Variants in SLC30A8 observed in about 807,000 individuals in gnomAD.
SLC30A8 encodes the protein proton-coupled zinc antiporter SLC30A8.
A neutral mutation model predicts 36.9 loss-of-function variants in SLC30A8; 27 were observed. That is an observed-to-expected ratio of 0.73 (90% confidence interval 0.54 to 1.01). The LOEUF is 1.01. SLC30A8 is among the 50% of genes least tolerant of loss of function. The pLI is 0.00. For synonymous variants in SLC30A8, 164 were observed against 172.4 expected, an observed-to-expected ratio of 0.95 and a Z score of 0.38; for missense variants, 439 against 452.0, an observed-to-expected ratio of 0.97 and a Z score of 0.26.
chr8:116,975,035 G>A (rs923665509), intron 1 of SLC30A8, among the ~76,000 whole-genome samples: 1 of 113,934 alleles, frequency 8.8e-6, no homozygotes, highest in African/African-American at 3.3e-5. Context: ...GGCCTGTTGT[G>A]GGGTGGGGGG....
At chr8:117,140,634 A>G (rs1275702142) in intron 1 of SLC30A8, among the ~76,000 whole-genome samples, 1 of 152,116 alleles carries the variant, frequency 6.6e-6, no homozygotes, top group African/African-American at 2.4e-5. Context: ...CTATCAACCA[A>G]TAATCTTACA....
At chr8:117,054,238 A>G (rs543378525) in intron 2 of SLC30A8, among the ~76,000 whole-genome samples, 52 of 151,782 alleles carry the variant, frequency 3.4e-4, no homozygotes, top group African/African-American at 1.2e-3. Context: ...AGCTGGGACG[A>G]CAGGCGTGTG....
chr8:117,122,711 G>C (rs1288210250), intron 2 of SLC30A8, among the ~76,000 whole-genome samples: 1 of 152,056 alleles, frequency 6.6e-6, no homozygotes, highest in East Asian at 1.9e-4. Flanking sequence ...TCAGGCTCTG[G>C]GTGTTTTAGT....
intron 2 of SLC30A8, among the ~76,000 whole-genome samples, chr8:117,098,191 C>T (rs2130850557): frequency 6.7e-6 from 1 of 150,112 alleles, no homozygotes; most frequent in South Asian, 2.1e-4. Context: ...TCAAGACCTC[C>T]CTGAGAAAGC....
At chr8:117,024,036 T>C (rs1816795261) in intron 1 of SLC30A8, among the ~76,000 whole-genome samples, 1 of 152,188 alleles carries the variant, frequency 6.6e-6, no homozygotes, top group South Asian at 2.1e-4. Flanking sequence ...AGCACAACCA[T>C]GATTAAACTT....
At chr8:116,964,550 T>C (rs1357976930) in intron 1 of SLC30A8, among the ~76,000 whole-genome samples, 1 of 152,172 alleles carries the variant, frequency 6.6e-6, no homozygotes, top group Admixed American at 6.6e-5. Context: ...CCTAGCAAAG[T>C]GTTTATGCAG....
intron 1 of SLC30A8, among the ~76,000 whole-genome samples, chr8:117,013,052 A>G (rs1170461140): frequency 6.6e-6 from 1 of 152,070 alleles, no homozygotes; most frequent in Non-Finnish European, 1.5e-5. Context: ...AATATTTCTT[A>G]TACTTTCTTG....
chr8:116,983,838 C>T (rs1440960976), intron 1 of SLC30A8, among the ~76,000 whole-genome samples: 1 of 152,120 alleles, frequency 6.6e-6, no homozygotes, highest in African/African-American at 2.4e-5. Flanking sequence ...AGATCTTACT[C>T]CAATTTTACA....
chr8:116,985,874 A>T (rs754494829), intron 1 of SLC30A8, among the ~76,000 whole-genome samples: 1 of 152,216 alleles, frequency 6.6e-6, no homozygotes, highest in Non-Finnish European at 1.5e-5. Flanking sequence ...TAAGAAAGTT[A>T]TCAAGGAACA....
intron 1 of SLC30A8, among the ~76,000 whole-genome samples, chr8:117,021,123 A>T (rs549194952): frequency 2.6e-5 from 4 of 152,296 alleles, no homozygotes; most frequent in African/African-American, 9.6e-5. Flanking sequence ...GTTACCTTTT[A>T]AATGGTTATA....
Position 117,172,556 on chromosome 8 carries a change from G to A in SLC30A8, c.985G>A (p.Val329Met). Residue 329 changes from valine to methionine, a missense_variant, in exon 8 of 8, where the codon GTG (valine) becomes ATG (methionine). Val to Met is a conservative substitution (Grantham distance 21). Transcript: ENST00000456015. ...AACAGCAGCCAGCCGGGACAGCCAAGTGGTTCGGAGAGAAATTGCTAAAGC... is the reference window on the plus strand; with the variant it reads ...AACAGCAGCCAGCCGGGACAGCCAAATGGTTCGGAGAGAAATTGCTAAAGC... ...VATAASRDSQ[V>M]VRREIAKALS... 13 of 1,613,678 alleles carry A rather than the reference G, an allele frequency of 8.1e-6. No individual in the cohort carries two copies. Among genetic ancestry groups the A allele is most frequent in the Non-Finnish European group, 1.1e-5 (13 of 1,179,698 alleles).
At chr8:117,131,496 G>A (rs1220206207), upstream of SLC30A8, among the ~76,000 whole-genome samples, 1 of 151,952 alleles carries the variant, frequency 6.6e-6, no homozygotes, top group Non-Finnish European at 1.5e-5. Flanking sequence ...CATTCTGAAT[G>A]GCACTCTACT....
At chr8:117,082,554 C>A (rs1818706018) in intron 2 of SLC30A8, among the ~76,000 whole-genome samples, 1 of 152,064 alleles carries the variant, frequency 6.6e-6, no homozygotes, top group South Asian at 2.1e-4. Flanking sequence ...AGGCAGTTGG[C>A]AGATGTCCAG....
chr8:117,175,674 C>T lies in SLC30A8; in HGVS notation c.*2993C>T, dbSNP rs1823642537. 6.6e-6 allele frequency: 1 copy of T among 152,108 alleles called. No individual in the cohort carries two copies. The highest frequency in any genetic ancestry group is 1.5e-5 in the Non-Finnish European group (1 of 68,002). The allele number at this position is 152,108 out of a possible 1,614,324, so 9.4% of individuals were successfully genotyped here. ...AGTGCATAGCATGTAGTGTTCAGTA[C>T]ATGTTAAATGTTGTTTTTTATTATG... is the stretch of plus-strand genomic sequence containing the variant. On this transcript the variant is annotated 3_prime_UTR_variant, in exon 8 of 8. Transcript: ENST00000456015.
intron 2 of SLC30A8, among the ~76,000 whole-genome samples, chr8:117,092,499 C>T (rs887249220): frequency 6.6e-6 from 1 of 152,024 alleles, no homozygotes; most frequent in Non-Finnish European, 1.5e-5. Context: ...TTTCATTTTG[C>T]ACCTGGCCTG....
At chr8:116,976,337 GA>G in intron 1 of SLC30A8, among the ~76,000 whole-genome samples, 1 of 151,584 alleles carries the variant, frequency 6.6e-6, no homozygotes, top group South Asian at 2.1e-4. Context: ...TGTGGAGTTG[GA>G]AAAAGATGTG....
At chr8:117,130,550 T>G (rs1821086533), upstream of SLC30A8, among the ~76,000 whole-genome samples, 1 of 151,984 alleles carries the variant, frequency 6.6e-6, no homozygotes, top group African/African-American at 2.4e-5. Flanking sequence ...AATTTGAGCA[T>G]TTAATGTTTT....
At chr8:117,085,223 C>G (rs143906864) in intron 2 of SLC30A8, among the ~76,000 whole-genome samples, 2 of 152,210 alleles carry the variant, frequency 1.3e-5, no homozygotes, top group African/African-American at 4.8e-5. Context: ...CTCATGACAA[C>G]TCTGTTTTTA....
chr8:117,132,106 G>A (rs1319566372), upstream of SLC30A8, among the ~76,000 whole-genome samples: 2 of 152,020 alleles, frequency 1.3e-5, no homozygotes, highest in Non-Finnish European at 2.9e-5. Context: ...AAAGATGGTT[G>A]CATGCACACA....
Sources: gnomAD v4.1 joint callset for allele counts (sites outside exome capture counted in the v4.1 genomes callset) on GRCh38, gnomAD v4.1.1 for gene constraint, MANE v1.5 for transcripts, NCBI Gene and HGNC (gene_info 2026-07-23, HGNC 2026-07-21) for gene names.